GUCY1A2: variants seen among roughly 807,000 people sequenced by gnomAD.
GUCY1A2 encodes guanylate cyclase soluble subunit alpha-2.
GUCY1A2 carries 27 observed loss-of-function variants against 63.5 expected under a neutral mutation model. The observed-to-expected ratio is 0.43, with a 90% confidence interval of 0.31 to 0.59. GUCY1A2 has a LOEUF of 0.59. Ranked by LOEUF, GUCY1A2 falls within the 20% of genes least tolerant of loss-of-function variation. The probability of loss-of-function intolerance (pLI) is 0.11; values close to 1 mark genes in which losing one functional copy is unlikely to be tolerated. For missense variants in GUCY1A2, 768 were observed against 913.3 expected, an observed-to-expected ratio of 0.84 and a Z score of 2.05; for synonymous variants, 364 against 343.5, an observed-to-expected ratio of 1.06 and a Z score of -0.66.
At chr11:106,992,424 G>A (rs2120158214) in intron 1 of GUCY1A2, among the ~76,000 whole-genome samples, 1 of 150,906 alleles carries the variant, frequency 6.6e-6, no homozygotes, top group Middle Eastern at 3.4e-3. Flanking sequence ...CCACCTCCCG[G>A]GTTCAAGCGA....
At chr11:106,737,213 A>G (rs1317323157) in intron 6 of GUCY1A2, among the ~76,000 whole-genome samples, 1 of 152,174 alleles carries the variant, frequency 6.6e-6, no homozygotes, top group Non-Finnish European at 1.5e-5. Flanking sequence ...GGTACACTCA[A>G]AGTGGTTTAA....
chr11:106,979,473 A>AAAAAAG lies in GUCY1A2; in HGVS notation c.366-734_366-733insCTTTTT, dbSNP rs911419925. Among the ~76,000 whole-genome samples, 607 of 150,078 alleles carry AAAAAAG rather than the reference A, an allele frequency of 4.0e-3. 9 individuals carry two copies. Among genetic ancestry groups the AAAAAAG allele is most frequent in the African/African-American group, 0.014 (570 of 40,078 alleles). ...CCGTCTCAAAAAAAAAAAAAAAAAA[A>AAAAAAG]AAGAAGAAGATAGCAGTATGGTGTA... is the stretch of plus-strand genomic sequence containing the variant. On this transcript the variant is annotated intron_variant, in intron 2 of 7. Transcript: ENST00000526355.
chr11:106,922,577 ATC>A (rs1253414637), intron 4 of GUCY1A2, among the ~76,000 whole-genome samples: 2 of 149,188 alleles, frequency 1.3e-5, no homozygotes, highest in Non-Finnish European at 3.0e-5. Flanking sequence ...TTTTTAAAAA[ATC>A]TATACTTCAT....
chr11:107,009,384 G>A (rs1480280274), intron 1 of GUCY1A2, among the ~76,000 whole-genome samples: 1 of 152,166 alleles, frequency 6.6e-6, no homozygotes, highest in East Asian at 1.9e-4. Context: ...GAGCATTTGA[G>A]AAATGTTGTG....
chr11:106,727,380 C>T (rs1184420604), intron 6 of GUCY1A2, among the ~76,000 whole-genome samples: 1 of 152,198 alleles, frequency 6.6e-6, no homozygotes, highest in Non-Finnish European at 1.5e-5. Flanking sequence ...TCCTCTGAAG[C>T]AGGCTCACTG....
intron 5 of GUCY1A2, among the ~76,000 whole-genome samples, chr11:106,779,111 C>A (rs1453959195): frequency 6.6e-6 from 1 of 152,060 alleles, no homozygotes; most frequent in East Asian, 1.9e-4. Context: ...ACCAACAGTG[C>A]AAAACTTATC....
intron 7 of GUCY1A2, among the ~76,000 whole-genome samples, chr11:106,706,943 T>C (rs1013343298): frequency 6.6e-6 from 1 of 152,102 alleles, no homozygotes; most frequent in Non-Finnish European, 1.5e-5. Context: ...TGGGAGAAGT[T>C]TAAAAGATGC....
intron 4 of GUCY1A2, chr11:106,827,710 C>G: frequency 1.3e-6 from 2 of 1,543,604 alleles, no homozygotes; most frequent in Non-Finnish European, 1.8e-6. Context: ...TCAAATTCTT[C>G]CAATATTTTA....
chr11:106,974,077 G>A (rs1861231693), intron 3 of GUCY1A2, among the ~76,000 whole-genome samples: 1 of 152,024 alleles, frequency 6.6e-6, no homozygotes, highest in East Asian at 1.9e-4. Context: ...CTCCAGTCTT[G>A]CTCTAAATCA....
At chr11:106,902,481 C>T (rs893726796) in intron 4 of GUCY1A2, among the ~76,000 whole-genome samples, 1 of 152,192 alleles carries the variant, frequency 6.6e-6, no homozygotes, top group African/African-American at 2.4e-5. Flanking sequence ...GAAAGTCCTA[C>T]CTAGATGGCA....
chr11:106,878,079 A>G (rs1859774760), intron 4 of GUCY1A2, among the ~76,000 whole-genome samples: 1 of 152,160 alleles, frequency 6.6e-6, no homozygotes, highest in Non-Finnish European at 1.5e-5. Context: ...CCACAATGAA[A>G]TATCATCTCA....
At position 106,974,179 on chromosome 11, in the gene GUCY1A2, T is replaced by C. The variant is rs111589242; in HGVS notation, c.487+4440A>G. 3.4e-3 allele frequency among the ~76,000 whole-genome samples: 510 copies of C among 152,142 alleles called. 3 individuals carry two copies. Among genetic ancestry groups the C allele is most frequent in the African/African-American group, 0.012 (490 of 41,548 alleles). ...AAATACTGAAAATATTTACTTTTAATGAAAGAGGAAATTGATCAGTTACCA... is the reference window on the plus strand; with the variant it reads ...AAATACTGAAAATATTTACTTTTAACGAAAGAGGAAATTGATCAGTTACCA... On this transcript the variant is annotated intron_variant, in intron 3 of 7. Coordinates refer to ENST00000526355, the MANE Select transcript of GUCY1A2 (RefSeq NM_000855.3).
intron 4 of GUCY1A2, among the ~76,000 whole-genome samples, chr11:106,841,700 C>A (rs1008285108): frequency 2.6e-5 from 4 of 151,874 alleles, no homozygotes; most frequent in African/African-American, 9.7e-5. Flanking sequence ...CTTTCTACAG[C>A]AGAAGAAAGT....
chr11:106,722,758 T>C (rs963764266), intron 6 of GUCY1A2, among the ~76,000 whole-genome samples: 13 of 151,242 alleles, frequency 8.6e-5, no homozygotes, highest in Non-Finnish European at 2.9e-5. Flanking sequence ...GAAGAACTTA[T>C]ACAAAATAGT....
intron 4 of GUCY1A2, among the ~76,000 whole-genome samples, chr11:106,813,628 T>G (rs1412501032): frequency 6.6e-6 from 1 of 152,046 alleles, no homozygotes; most frequent in Non-Finnish European, 1.5e-5. Context: ...TGATGCAGTG[T>G]TACATAATAG....
At chr11:106,748,580 A>G (rs939488516) in intron 6 of GUCY1A2, among the ~76,000 whole-genome samples, 8 of 152,184 alleles carry the variant, frequency 5.3e-5, no homozygotes, top group African/African-American at 1.7e-4. Context: ...AAACACTGAC[A>G]GATGAAATCT....
At chr11:106,735,690 AT>A (rs906941350) in intron 6 of GUCY1A2, among the ~76,000 whole-genome samples, 1 of 151,926 alleles carries the variant, frequency 6.6e-6, no homozygotes, top group Non-Finnish European at 1.5e-5. Context: ...TTATTTTTAG[AT>A]TTTTGGGGAA....
At chr11:106,915,957 T>C (rs1860364282) in intron 4 of GUCY1A2, among the ~76,000 whole-genome samples, 1 of 141,534 alleles carries the variant, frequency 7.1e-6, no homozygotes, top group Admixed American at 7.1e-5. Flanking sequence ...TTACTGCCAC[T>C]CTCACTGTAA....
Position 106,745,549 on chromosome 11 carries a change from C to A in GUCY1A2, c.1836+30890G>T, listed in dbSNP as rs79760767. Among the ~76,000 whole-genome samples, 215 of 152,306 alleles carry A rather than the reference C, an allele frequency of 1.4e-3. 1 individual carries two copies. Among genetic ancestry groups the A allele is most frequent in the African/African-American group, 5.1e-3 (210 of 41,568 alleles). ...TGAGATTTTAATATTCAAATACTTT[C>A]TTGGCATGGTGTAAACACTGATCAA... On this transcript the variant is annotated intron_variant, in intron 6 of 7. Coordinates refer to ENST00000526355, the MANE Select transcript of GUCY1A2 (RefSeq NM_000855.3).
Sources: gnomAD v4.1 joint callset for allele counts (sites outside exome capture counted in the v4.1 genomes callset) on GRCh38, gnomAD v4.1.1 for gene constraint, MANE v1.5 for transcripts, NCBI Gene and HGNC (gene_info 2026-07-23, HGNC 2026-07-21) for gene names.